The following VPS53 variants were observed in gnomAD, a reference collection of about 807,000 sequenced individuals.
The protein encoded by VPS53 is vacuolar protein sorting-associated protein 53 homolog.
A neutral mutation model predicts 107.0 loss-of-function variants in VPS53; 70 were observed. The observed-to-expected ratio is 0.65, with a 90% CI of 0.54 to 0.80. The LOEUF is 0.80. Among genes scored for constraint, VPS53 ranks in the 30% least tolerant of loss-of-function variants. The pLI, the probability that VPS53 is intolerant of heterozygous loss-of-function variation, is 0.00. For missense variants in VPS53, 917 were observed against 1,049.4 expected (o/e 0.87, Z 1.74); for synonymous variants, 409 against 393.3 (o/e 1.04, Z -0.47).
chr17:517,702 G>C lies in VPS53; in HGVS notation c.*1426C>G, dbSNP rs1908411632. The C allele has an allele frequency of 3.2e-6, 1 of 310,238 alleles. No homozygotes were observed. The highest frequency in any genetic ancestry group is 5.8e-6 in the Non-Finnish European group (1 of 171,226). 19.2% of individuals were successfully genotyped at this position (310,238 alleles called of 1,614,324 possible). A position where few individuals can be genotyped will look rare whatever the true frequency, so the allele number is the denominator to read the frequency against. ...ACCCGGCTAATTTTTTTTATTTTTAGTTGAGACAGGGTTTCGCCATGTTGG... is the reference window on the plus strand; with the variant it reads ...ACCCGGCTAATTTTTTTTATTTTTACTTGAGACAGGGTTTCGCCATGTTGG... On this transcript the variant is annotated 3_prime_UTR_variant, in exon 22 of 22. Coordinates refer to ENST00000437048, the MANE Select transcript of VPS53 (RefSeq NM_001128159.3).
intron 13 of VPS53, among the ~76,000 whole-genome samples, chr17:564,729 A>C (rs1180082478): frequency 6.6e-6 from 1 of 151,096 alleles, no homozygotes; most frequent in East Asian, 1.9e-4. Flanking sequence ...GAAAAAAAAA[A>C]CAAAAACCAA....
chr17:622,777 T>C (rs1012724164), intron 11 of VPS53, among the ~76,000 whole-genome samples: 3 of 152,030 alleles, frequency 2.0e-5, no homozygotes, highest in Admixed American at 2.0e-4. Context: ...CATAGCTCAC[T>C]GCAGCCTCAA....
At chr17:644,229 C>G (rs951286421) in intron 7 of VPS53, among the ~76,000 whole-genome samples, 3 of 152,254 alleles carry the variant, frequency 2.0e-5, no homozygotes. Context: ...ATGCTCAAAT[C>G]AAGGCTCATG....
chr17:704,416 C>T (rs1973324481), intron 2 of VPS53, among the ~76,000 whole-genome samples: 1 of 152,236 alleles, frequency 6.6e-6, no homozygotes, highest in African/African-American at 2.4e-5. Context: ...TCTGGAAATA[C>T]TGAAATCTAC....
intron 11 of VPS53, among the ~76,000 whole-genome samples, chr17:608,439 ATGTGTGC>A (rs1968683793): frequency 6.6e-6 from 1 of 152,176 alleles, no homozygotes; most frequent in Non-Finnish European, 1.5e-5. Context: ...GCCTGCGTAT[ATGTGTGC>A]AAGCGTGCTT....
intron 13 of VPS53, among the ~76,000 whole-genome samples, chr17:579,536 G>C (rs767774910): frequency 1.3e-4 from 19 of 146,292 alleles, no homozygotes; most frequent in Non-Finnish European, 2.5e-4. Flanking sequence ...CATTCCCAGA[G>C]AACTTCCCTC....
chr17:547,332 TACTC>T (rs1207403813), intron 17 of VPS53, among the ~76,000 whole-genome samples: 2 of 152,220 alleles, frequency 1.3e-5, no homozygotes, highest in Non-Finnish European at 2.9e-5. Flanking sequence ...GATGGAATGT[TACTC>T]AGCCACAAAA....
chr17:643,574 GAGGACAACACTCATACTTGGCAAC>G (rs1970547066), intron 7 of VPS53, among the ~76,000 whole-genome samples: 1 of 138,920 alleles, frequency 7.2e-6, no homozygotes, highest in Non-Finnish European at 1.5e-5. Flanking sequence ...CTTGGAAACC[GAGGACAACACTCATACTTGGCAAC>G]CGAGGACAAC....
At chr17:704,045 T>C (rs1300469452) in intron 2 of VPS53, among the ~76,000 whole-genome samples, 1 of 152,188 alleles carries the variant, frequency 6.6e-6, no homozygotes, top group Admixed American at 6.5e-5. Context: ...AGAAACTCTT[T>C]AGAAACATCC....
rs8080861 is a variant in VPS53, at chr17:524,831, C to T, written c.2086-3093G>A. ...ATAATCTAGTGTGGGCACGGCCACA[C>T]TGAAATTCAGACTAGTGGTGACAGT... is the stretch of plus-strand genomic sequence containing the variant. On this transcript the variant is annotated intron_variant, in intron 19 of 21. Coordinates refer to ENST00000437048, the MANE Select transcript of VPS53 (RefSeq NM_001128159.3). This position sits in a 1 kb window ranked among gnomAD's most constrained non-coding sequence, Gnocchi z 4.5. Among the ~76,000 whole-genome samples, 6,345 of 152,244 alleles carry T rather than the reference C, an allele frequency of 0.042. 425 individuals carry two copies. The highest frequency in any genetic ancestry group is 0.14 in the African/African-American group (5,982 of 41,516).
intron 17 of VPS53, among the ~76,000 whole-genome samples, chr17:541,417 T>A (rs1910632984): frequency 6.7e-6 from 1 of 148,376 alleles, no homozygotes; most frequent in South Asian, 2.1e-4. Context: ...ACTGAAGGAA[T>A]GTTTATCAAG....
chr17:644,658 A>AC (rs535221904), intron 7 of VPS53, among the ~76,000 whole-genome samples: 13 of 150,594 alleles, frequency 8.6e-5, no homozygotes, highest in African/African-American at 2.7e-4. Flanking sequence ...GTCTCGGCTC[A>AC]CTGCAGCCTC....
chr17:625,017 G>T (rs385043), intron 10 of VPS53, among the ~76,000 whole-genome samples: 50,233 of 139,722 alleles, frequency 0.36, 10,568 homozygotes, highest in South Asian at 0.48. Flanking sequence ...TTGAGACAGG[G>T]TCTCACTCTG....
intron 5 of VPS53, among the ~76,000 whole-genome samples, chr17:658,145 A>C (rs7225904): frequency 1.4e-5 from 2 of 139,380 alleles, no homozygotes; most frequent in Admixed American, 7.4e-5. Flanking sequence ...GAAACTCGGC[A>C]GGGAGTTCGT....
chr17:541,709 G>T (rs1910685373), intron 17 of VPS53, among the ~76,000 whole-genome samples: 1 of 147,806 alleles, frequency 6.8e-6, no homozygotes, highest in African/African-American at 2.5e-5. Context: ...ACCAGGGGCT[G>T]AAGGAATGTT....
At chr17:643,521 TGAGGACAACACTCATACTTGGAAACC>T (rs1351854274) in intron 7 of VPS53, among the ~76,000 whole-genome samples, 48,795 of 91,224 alleles carry the variant, frequency 0.53, 20,124 homozygotes, top group Admixed American at 0.56. Context: ...ACTTGGCAAC[TGAGGACAACACTCATACTTGGAAACC>T]GAGGACAACA....
chr17:581,261 C>T (rs1001476040), intron 13 of VPS53, among the ~76,000 whole-genome samples: 10 of 150,188 alleles, frequency 6.7e-5, no homozygotes, highest in Admixed American at 2.7e-4. Context: ...GATCTCAATT[C>T]GTTTCCAGAG....
intron 15 of VPS53, among the ~76,000 whole-genome samples, chr17:554,771 T>C (rs912009933): frequency 5.9e-5 from 9 of 152,188 alleles, no homozygotes; most frequent in African/African-American, 2.2e-4. Flanking sequence ...TTGGGGTGCA[T>C]AAATTAGCAT....
In VPS53 at chr17:560,481, C is replaced by T. The variant is rs757677082; in HGVS notation, c.1649G>A (p.Cys550Tyr). 3.7e-6 allele frequency: 6 copies of T among 1,613,092 alleles called. No homozygotes were observed. In the African/African-American group the frequency reaches 4.0e-5, roughly 11 times the overall value. Residue 550 changes from cysteine (C) to tyrosine (Y), a missense_variant, in exon 15 of 22, where the codon TGC (cysteine) becomes TAC (tyrosine). Physicochemically the swap from Cys to Tyr is radical, Grantham distance 194 (BLOSUM62 -2). Transcript: ENST00000437048. ...CGTGCTCAGGATGTTACAGATGAGG[C>T]AGAGCTCCTCCAGAGTGAACTTGGC... ...EVAKFTLEELCLICNILSTAE... is the reference protein window; with the variant it reads ...EVAKFTLEELYLICNILSTAE...
Sources: gnomAD v4.1 joint callset for allele counts (sites outside exome capture counted in the v4.1 genomes callset) on GRCh38, gnomAD v4.1.1 for gene constraint, Gnocchi (gnomAD v3.1) non-coding constraint, MANE v1.5 for transcripts, NCBI Gene and HGNC (gene_info 2026-07-23, HGNC 2026-07-21) for gene names.